Variants in ITGA11 observed in about 807,000 individuals in gnomAD.
ITGA11 encodes the protein integrin alpha-11.
Under a neutral mutation model 141.9 loss-of-function variants are expected in ITGA11, and 97 were observed. The observed-to-expected ratio is 0.68, with a 90% CI of 0.58 to 0.81. The LOEUF is 0.81. Ranked by LOEUF, ITGA11 falls within the 30% of genes least tolerant of loss-of-function variation. The pLI is 0.00. For synonymous variants in ITGA11, 658 were observed against 624.6 expected (o/e 1.05, Z -0.80); for missense variants, 1,387 against 1,559.2 (o/e 0.89, Z 1.86).
At chr15:68,331,145 C>A in intron 14 of ITGA11, 34 bp from the exon 15 acceptor site, 1 of 1,535,584 alleles carries the variant, frequency 6.5e-7, no homozygotes, top group Non-Finnish European at 8.8e-7. Flanking sequence ...GGAGGGCATG[C>A]ACACTGTGAG....
At chr15:68,431,733 G>A (rs1181548358) in intron 1 of ITGA11, among the ~76,000 whole-genome samples, 1 of 152,264 alleles carries the variant, frequency 6.6e-6, no homozygotes, top group African/African-American at 2.4e-5. Context: ...AGGCGCCCAG[G>A]AGGGCCACCA....
At chr15:68,342,080 C>G (rs544619672) in intron 10 of ITGA11, among the ~76,000 whole-genome samples, 2 of 152,148 alleles carry the variant, frequency 1.3e-5, no homozygotes, top group East Asian at 1.9e-4. Context: ...CTGAAGCAAG[C>G]CTTAGTATGT....
At chr15:68,349,571 G>A (rs546498258) in intron 9 of ITGA11, among the ~76,000 whole-genome samples, 2 of 152,284 alleles carry the variant, frequency 1.3e-5, no homozygotes, top group African/African-American at 4.8e-5. Context: ...CCTTGTTTAC[G>A]AGGGCCATTT....
rs957665020 is a variant in ITGA11, at chr15:68,322,837, G to A, written c.2323-1334C>T. Among the ~76,000 whole-genome samples, 9 of 147,152 alleles carry A rather than the reference G, an allele frequency of 6.1e-5. No individual in the cohort carries two copies. Among genetic ancestry groups the A allele is most frequent in the Non-Finnish European group, 3.0e-5 (2 of 66,722 alleles). Reference sequence around the variant, plus strand: ...CGTGCCACTACACTCCAACCTGGGTGACAGAGGGAGATACCATTTCAAAAA... The same window carrying A: ...CGTGCCACTACACTCCAACCTGGGTAACAGAGGGAGATACCATTTCAAAAA... On this transcript the variant is annotated intron_variant, in intron 18 of 29. Coordinates refer to ENST00000315757, the MANE Select transcript of ITGA11 (RefSeq NM_001004439.2). This position sits in a 1 kb window ranked among gnomAD's most constrained non-coding sequence, Gnocchi z 5.6.
chr15:68,367,043 T>A (rs775075158), intron 3 of ITGA11, among the ~76,000 whole-genome samples: 1 of 152,180 alleles, frequency 6.6e-6, no homozygotes, highest in Admixed American at 6.5e-5. Flanking sequence ...ACAGATGTTC[T>A]TTCTGCCATG....
intron 1 of ITGA11, among the ~76,000 whole-genome samples, chr15:68,410,194 G>A (rs1349617258): frequency 1.3e-5 from 2 of 152,190 alleles, no homozygotes; most frequent in African/African-American, 2.4e-5. Flanking sequence ...AGAGGAAGCC[G>A]ATCTGTGGAA....
At chr15:68,358,222 T>G (rs528041406) in intron 6 of ITGA11, among the ~76,000 whole-genome samples, 1 of 152,316 alleles carries the variant, frequency 6.6e-6, no homozygotes, top group South Asian at 2.1e-4. Flanking sequence ...TCTTCACAGG[T>G]GGTGTCTTGT....
chr15:68,376,238 TC>T (rs66849968), intron 2 of ITGA11, among the ~76,000 whole-genome samples: 5 of 150,590 alleles, frequency 3.3e-5, no homozygotes, highest in African/African-American at 7.3e-5. Flanking sequence ...CTTTTTTTTT[TC>T]ACCTGGGCTG....
At chr15:68,388,212 G>T (rs538053052) in intron 2 of ITGA11, among the ~76,000 whole-genome samples, 1 of 152,188 alleles carries the variant, frequency 6.6e-6, no homozygotes, top group East Asian at 1.9e-4. Context: ...GCCTCCTTCT[G>T]CTCTTGCCCT....
chr15:68,341,551 G>C (rs1894569728), intron 10 of ITGA11, among the ~76,000 whole-genome samples: 1 of 152,252 alleles, frequency 6.6e-6, no homozygotes, highest in Non-Finnish European at 1.5e-5. Flanking sequence ...GGGCAGAGAA[G>C]AAAACATCTA....
rs571700064 is a variant in ITGA11 at position 68,308,569 on chromosome 15, G to A, written c.3175-873C>T. On this transcript the variant is annotated intron_variant, in intron 26 of 29. Transcript: ENST00000315757. The surrounding 1 kb of genome is among the most constrained non-coding windows in gnomAD (Gnocchi z 5.2). ...ATCCTGGCTAACACAGTGAAACCCC[G>A]TCTCTATTAAAAAAATACAAAAAAT... 1.3e-4 allele frequency among the ~76,000 whole-genome samples: 20 copies of A among 152,054 alleles called. No homozygotes were observed. Among genetic ancestry groups the A allele is most frequent in the Admixed American group, 8.5e-4 (13 of 15,272 alleles).
At chr15:68,425,795 A>G (rs1303667044) in intron 1 of ITGA11, among the ~76,000 whole-genome samples, 1 of 152,152 alleles carries the variant, frequency 6.6e-6, no homozygotes, top group African/African-American at 2.4e-5. Context: ...CAGGGTCAGG[A>G]TTTCTGGTTG....
At chr15:68,364,656 C>CCCCCCCCCCCCCCCCCCAACCG in intron 4 of ITGA11, 51 bp downstream of exon 4, 1 of 1,194,156 alleles carries the variant, frequency 8.4e-7, no homozygotes, top group East Asian at 2.4e-5. Context: ...CACCCCTCCC[C>CCCCCCCCCCCCCCCCCCAACCG]ACCCCCACCC....
chr15:68,392,882 T>C (rs1896153034), intron 2 of ITGA11, among the ~76,000 whole-genome samples: 3 of 152,100 alleles, frequency 2.0e-5, no homozygotes, highest in African/African-American at 7.2e-5. Context: ...TGGATAACCA[T>C]GAGATAAAAT....
chr15:68,429,088 C>A (rs12441877), intron 1 of ITGA11, among the ~76,000 whole-genome samples: 7,749 of 152,304 alleles, frequency 0.051, 220 homozygotes, highest in Admixed American at 0.1. Context: ...ACTGCTGCTG[C>A]TGATGATGTT....
At position 68,366,539 on chromosome 15, in the gene ITGA11, C is replaced by T. The variant is rs116095446; in HGVS notation, c.266-1741G>A. 4.8e-3 allele frequency among the ~76,000 whole-genome samples: 726 copies of T among 152,260 alleles called. 6 individuals are homozygous for T. Among genetic ancestry groups the T allele is most frequent in the African/African-American group, 0.017 (701 of 41,540 alleles). On this transcript the variant is annotated intron_variant, in intron 3 of 29. Transcript: ENST00000315757. ...TTCTGCCCTCCGTTTATTTAAGGAA[C>T]GCAGACCTCACCACCCTGCCCCTCT...
Position 68,302,276 on chromosome 15 carries a change from C to T in ITGA11, c.*783G>A, listed in dbSNP as rs752785270. The T allele has an allele frequency of 5.4e-4, 83 of 152,400 alleles. 1 individual carries two copies. Among genetic ancestry groups the T allele is most frequent in the Non-Finnish European group, 7.9e-4 (54 of 68,102 alleles). 9.4% of individuals were successfully genotyped at this position (152,400 alleles called of 1,614,324 possible). A position where few individuals can be genotyped will look rare whatever the true frequency, so the allele number is the denominator to read the frequency against. On this transcript the variant is annotated 3_prime_UTR_variant, in exon 30 of 30. Transcript: ENST00000315757. Reference sequence around the variant, plus strand: ...TCATCCACATGCTTCCCATGAGGTACCTGGGAACAAAAGTGACCCGGGAGG... The same window carrying T: ...TCATCCACATGCTTCCCATGAGGTATCTGGGAACAAAAGTGACCCGGGAGG...
intron 2 of ITGA11, among the ~76,000 whole-genome samples, chr15:68,399,645 A>G (rs1393974685): frequency 6.6e-6 from 1 of 152,110 alleles, no homozygotes; most frequent in Non-Finnish European, 1.5e-5. Context: ...GAAAGAAATC[A>G]TGTCCTTTGC....
intron 7 of ITGA11, among the ~76,000 whole-genome samples, chr15:68,351,608 C>G (rs752812562): frequency 6.6e-6 from 1 of 152,186 alleles, no homozygotes; most frequent in Admixed American, 6.5e-5. Flanking sequence ...GTTCTTAGAT[C>G]TGTTGTTTTT....
Sources: gnomAD v4.1 joint callset for allele counts (sites outside exome capture counted in the v4.1 genomes callset) on GRCh38, gnomAD v4.1.1 for gene constraint, Gnocchi (gnomAD v3.1) non-coding constraint, MANE v1.5 for transcripts, NCBI Gene and HGNC (gene_info 2026-07-23, HGNC 2026-07-21) for gene names.